The following PCDH15 variants were observed in gnomAD, a reference collection of about 807,000 sequenced individuals.
PCDH15 encodes the protein protocadherin related 15, also known as protocadherin-15.
Under a neutral mutation model 178.5 loss-of-function variants are expected in PCDH15, and 129 were observed. The ratio of observed to expected loss-of-function variants is 0.72; its 90% CI spans 0.63 to 0.84. PCDH15 has a LOEUF of 0.84. Ranked by LOEUF, PCDH15 falls within the 40% of genes least tolerant of loss-of-function variation. PCDH15 has a pLI of 0.00. For missense variants in PCDH15, 2,230 were observed against 2,099.9 expected (o/e 1.06, Z -1.21); for synonymous variants, 800 against 732.0 (o/e 1.09, Z -1.50).
chr10:53,965,443 T>C (rs2088907056), intron 21 of PCDH15, among the ~76,000 whole-genome samples: 1 of 152,212 alleles, frequency 6.6e-6, no homozygotes, highest in South Asian at 2.1e-4. Flanking sequence ...GCCAAAGTTA[T>C]TAATTGAACA....
At chr10:54,500,656 C>G (rs939651301) in intron 3 of PCDH15, among the ~76,000 whole-genome samples, 1 of 151,896 alleles carries the variant, frequency 6.6e-6, no homozygotes, top group Admixed American at 6.6e-5. Context: ...GTGGTGAAAC[C>G]CTGTCTCTAC....
chr10:53,865,704 C>T (rs1042026777), intron 27 of PCDH15, among the ~76,000 whole-genome samples: 2 of 149,740 alleles, frequency 1.3e-5, no homozygotes, highest in Admixed American at 6.7e-5. Context: ...CTGTTTTGGC[C>T]ACAATCATGG....
At chr10:54,840,202 G>C (rs1415452444) in intron 3 of PCDH15, among the ~76,000 whole-genome samples, 13 of 152,056 alleles carry the variant, frequency 8.5e-5, no homozygotes, top group Non-Finnish European at 1.6e-4. Context: ...TTTACCTCTA[G>C]TTGAAAATTT....
In PCDH15 at chr10:54,449,847, G is replaced by A. The variant is rs956618818; in HGVS notation, c.158-70905C>T. Among the ~76,000 whole-genome samples, 3 of 151,800 alleles carry A rather than the reference G, an allele frequency of 2.0e-5. No individual in the cohort carries two copies. In the South Asian group the frequency reaches 6.2e-4, roughly 32 times the overall value. On this transcript the variant is annotated intron_variant, in intron 3 of 37. Transcript: ENST00000644397. ...TATCTGTTGGGGGATGGGAGGTAGG[G>A]CGGCAGGTCCTGGAATCCATCCCCC...
At chr10:54,184,921 G>A (rs181237917) in intron 12 of PCDH15, among the ~76,000 whole-genome samples, 308 of 151,382 alleles carry the variant, frequency 2.0e-3, no homozygotes, top group Admixed American at 4.0e-3. Flanking sequence ...TCTTCTGTGA[G>A]GAAGAATGTT....
chr10:55,520,299 GTATATATATATA>G (rs750692237), intron 2 of PCDH15, among the ~76,000 whole-genome samples: 1 of 71,540 alleles, frequency 1.4e-5, no homozygotes, highest in African/African-American at 6.7e-5. Flanking sequence ...CACGCAATAT[GTATATATATATA>G]TATACATGCA....
chr10:54,800,934 A>G lies in PCDH15; in HGVS notation c.-38T>C, dbSNP rs1952609262. 6.6e-6 allele frequency: 1 copy of G among 152,184 alleles called. No homozygotes were observed. Among genetic ancestry groups the G allele is most frequent in the Admixed American group, 6.5e-5 (1 of 15,270 alleles). The allele number at this position is 152,184 out of a possible 1,614,324, so 9.4% of individuals were successfully genotyped here. A position where few individuals can be genotyped will look rare whatever the true frequency, so the allele number is the denominator to read the frequency against. On this transcript the variant is annotated 5_prime_UTR_variant, in exon 1 of 38. An upstream open reading frame in the 5' UTR loses its in-frame stop. Coordinates refer to ENST00000644397, the MANE Select transcript of PCDH15 (RefSeq NM_001384140.1). ...CGGGGGAAGAACTTACTTGCGGTTT[A>G]AAGTTTCATCTTTAGTCCATGTAAG...
chr10:53,938,898 T>C lies in PCDH15; in HGVS notation c.3290A>G (p.Tyr1097Cys). The change falls in exon 25 of 38, where the codon TAT becomes TGT. Residue 1097 changes from tyrosine to cysteine, a missense_variant. Tyr to Cys is a radical substitution (Grantham distance 194, BLOSUM62 -2). Transcript: ENST00000644397. ...AAGTACATAGCTTGTCCTGGTCTCATAATCCAGAGGTCCATTCACATAGAT... is the reference window on the plus strand; with the variant it reads ...AAGTACATAGCTTGTCCTGGTCTCACAATCCAGAGGTCCATTCACATAGAT... ...GVIYVNGPLD[Y>C]ETRTSYVLRV... The C allele has an allele frequency of 3.1e-6, 5 of 1,613,482 alleles. No homozygotes were observed. Among genetic ancestry groups the C allele is most frequent in the Non-Finnish European group, 4.2e-6 (5 of 1,179,518 alleles).
intron 13 of PCDH15, among the ~76,000 whole-genome samples, chr10:54,161,796 A>T (rs1462462551): frequency 2.0e-5 from 3 of 151,940 alleles, no homozygotes; most frequent in African/African-American, 7.3e-5. Flanking sequence ...CCCTACCCTA[A>T]TATTTGTTTT....
intron 1 of PCDH15, among the ~76,000 whole-genome samples, chr10:54,792,256 G>A (rs1951488821): frequency 1.3e-5 from 2 of 151,824 alleles, no homozygotes; most frequent in South Asian, 4.1e-4. Flanking sequence ...CAAATACCAA[G>A]GACAAAAATT....
At chr10:54,278,504 A>G (rs980237664) in intron 8 of PCDH15, among the ~76,000 whole-genome samples, 13 of 151,524 alleles carry the variant, frequency 8.6e-5, no homozygotes, top group Non-Finnish European at 1.5e-5. Context: ...AATTATGTCT[A>G]CTCCCTCATA....
At chr10:55,127,006 C>G (rs1014327289) in intron 2 of PCDH15, among the ~76,000 whole-genome samples, 2 of 152,018 alleles carry the variant, frequency 1.3e-5, no homozygotes, top group African/African-American at 2.4e-5. Context: ...AGGTGTCCCC[C>G]CACCCCACAC....
intron 2 of PCDH15, among the ~76,000 whole-genome samples, chr10:55,159,709 TTATA>T (rs1839010036): frequency 6.8e-6 from 1 of 147,840 alleles, no homozygotes; most frequent in Non-Finnish European, 1.5e-5. Context: ...TATATCTATA[TTATA>T]TATAGATATT....
chr10:55,495,969 A>C (rs1426290954), intron 2 of PCDH15, among the ~76,000 whole-genome samples: 5 of 151,932 alleles, frequency 3.3e-5, no homozygotes, highest in African/African-American at 1.2e-4. Flanking sequence ...ACAATAGGCA[A>C]ATCTATAAGA....
At chr10:55,039,731 A>C (rs1840819959) in intron 2 of PCDH15, among the ~76,000 whole-genome samples, 2 of 152,144 alleles carry the variant, frequency 1.3e-5, no homozygotes, top group Admixed American at 6.5e-5. Flanking sequence ...GAAACTAGTG[A>C]AAAAGAGAAA....
chr10:54,843,912 T>A (rs561982307), intron 3 of PCDH15, among the ~76,000 whole-genome samples: 14 of 152,088 alleles, frequency 9.2e-5, no homozygotes, highest in African/African-American at 3.1e-4. Context: ...CAAATGGCAA[T>A]GAACACAAAA....
chr10:55,155,286 T>C (rs1308324818), intron 2 of PCDH15, among the ~76,000 whole-genome samples: 2 of 152,074 alleles, frequency 1.3e-5, no homozygotes, highest in African/African-American at 2.4e-5. Flanking sequence ...ACTTTCTTAT[T>C]GTTGTTTCAG....
chr10:54,002,342 T>C (rs111412731), intron 20 of PCDH15, among the ~76,000 whole-genome samples: 6 of 152,178 alleles, frequency 3.9e-5, no homozygotes, highest in African/African-American at 1.4e-4. Context: ...GTAGAACAAA[T>C]GGATCTAACA....
chr10:54,630,737 A>T (rs2093679599), intron 2 of PCDH15, among the ~76,000 whole-genome samples: 1 of 152,222 alleles, frequency 6.6e-6, no homozygotes, highest in Admixed American at 6.5e-5. Context: ...AATGGAAGGA[A>T]ATATTCATAA....
Sources: allele counts gnomAD v4.1 joint callset (sites outside exome capture counted in the v4.1 genomes callset), GRCh38; gene constraint gnomAD v4.1.1; transcripts MANE v1.5; gene names NCBI Gene and HGNC (gene_info 2026-07-23, HGNC 2026-07-21).